The following MIPEP variants were observed in gnomAD, a reference collection of about 807,000 sequenced individuals.
The protein encoded by MIPEP is mitochondrial intermediate peptidase.
In MIPEP, 79 loss-of-function variants were observed where a neutral mutation model predicts 90.3. That is an observed-to-expected ratio of 0.87 (90% CI 0.73 to 1.05). The LOEUF (loss-of-function observed/expected upper bound fraction) is 1.05. Among genes scored for constraint, MIPEP ranks in the 50% least tolerant of loss-of-function variants. The probability of loss-of-function intolerance (pLI) is 0.00; values close to 1 mark genes in which losing one functional copy is unlikely to be tolerated. For synonymous variants in MIPEP, 334 were observed against 315.8 expected (o/e 1.06, Z -0.61); for missense variants, 940 against 905.6 (o/e 1.04, Z -0.49).
At chr13:23,883,844 C>G (rs933710066) in intron 2 of MIPEP, among the ~76,000 whole-genome samples, 2 of 152,148 alleles carry the variant, frequency 1.3e-5, no homozygotes, top group Non-Finnish European at 2.9e-5. Context: ...GTTTCCACAG[C>G]TTCCCCATCA....
chr13:23,731,880 C>T (rs1952209238), intron 18 of MIPEP, among the ~76,000 whole-genome samples: 1 of 151,244 alleles, frequency 6.6e-6, no homozygotes, highest in Non-Finnish European at 1.5e-5. Context: ...CTAATAGGCA[C>T]TGAGAAGACA....
At chr13:23,751,081 A>C (rs1377891116) in intron 18 of MIPEP, among the ~76,000 whole-genome samples, 1 of 152,140 alleles carries the variant, frequency 6.6e-6, no homozygotes, top group Non-Finnish European at 1.5e-5. Flanking sequence ...CTGGGTGCTG[A>C]TGTGCTCCGT....
intron 16 of MIPEP, among the ~76,000 whole-genome samples, chr13:23,770,177 G>A (rs1208661063): frequency 6.6e-6 from 1 of 152,152 alleles, no homozygotes. Flanking sequence ...GCAGAACCCT[G>A]GAATGGCTTC....
intron 16 of MIPEP, among the ~76,000 whole-genome samples, chr13:23,775,579 G>C (rs1045647742): frequency 3.9e-5 from 6 of 152,102 alleles, no homozygotes; most frequent in African/African-American, 1.4e-4. Context: ...AAGGCCTTTG[G>C]GGTACGTAGG....
In MIPEP at chr13:23,869,346, C is replaced by G; in HGVS notation, c.889G>C (p.Gly297Arg). The change falls in exon 7 of 19, where the codon GGG becomes CGG. Residue 297 changes from glycine to arginine, a missense_variant. Gly to Arg is a moderately radical substitution (Grantham distance 125). Coordinates refer to ENST00000382172, the MANE Select transcript of MIPEP (RefSeq NM_005932.4). ...GCCCTGTGAGAAAACGTGGAATACC[C>G]CACCAACTTTGCCAGAAGATCTCTG... The part of the protein sequence containing the change: ...SSRDLLAKLV[G>R]YSTFSHRALQ... The G allele has an allele frequency of 6.2e-7, 1 of 1,613,016 alleles. No homozygotes were observed. Among genetic ancestry groups the G allele is most frequent in the East Asian group, 2.2e-5 (1 of 44,810 alleles).
chr13:23,850,638 G>A (rs1488696861), intron 10 of MIPEP, among the ~76,000 whole-genome samples: 1 of 152,160 alleles, frequency 6.6e-6, no homozygotes, highest in African/African-American at 2.4e-5. Flanking sequence ...AAACCAGTAG[G>A]CCTGACTTCA....
chr13:23,845,662 C>A (rs1027716776), intron 10 of MIPEP, among the ~76,000 whole-genome samples: 2 of 152,096 alleles, frequency 1.3e-5, no homozygotes, highest in African/African-American at 2.4e-5. Flanking sequence ...AGTACAAGAT[C>A]TTAAGTTTTT....
chr13:23,802,249 CT>C (rs1289643473), intron 16 of MIPEP, among the ~76,000 whole-genome samples: 1 of 152,118 alleles, frequency 6.6e-6, no homozygotes, highest in Non-Finnish European at 1.5e-5. Flanking sequence ...ATATCCATGT[CT>C]TTTGTTTATT....
intron 1 of MIPEP, 93 bp downstream of exon 1, chr13:23,889,039 G>A: frequency 2.5e-6 from 3 of 1,194,670 alleles, no homozygotes; most frequent in South Asian, 4.5e-5. Flanking sequence ...CTCCTCCCAG[G>A]CCCAAACAAT....
At chr13:23,821,745 C>T (rs938471830) in intron 14 of MIPEP, among the ~76,000 whole-genome samples, 19 of 152,134 alleles carry the variant, frequency 1.2e-4, no homozygotes, top group African/African-American at 4.6e-4. Context: ...TGCAGATAAC[C>T]TAGATGCATA....
intron 10 of MIPEP, among the ~76,000 whole-genome samples, chr13:23,847,638 A>G (rs1375898948): frequency 1.3e-5 from 2 of 152,154 alleles, no homozygotes; most frequent in Non-Finnish European, 2.9e-5. Flanking sequence ...GCATCAGGAG[A>G]GAGTAGGACT....
At position 23,867,420 on chromosome 13, in the gene MIPEP, C is replaced by A. The variant is rs190218831; in HGVS notation, c.943+1872G>T. On this transcript the variant is annotated intron_variant, in intron 7 of 18. Coordinates refer to ENST00000382172, the MANE Select transcript of MIPEP (RefSeq NM_005932.4). ...GCTCACATTCCACATTCTAAGTGAGCCTTCCGACAATGCTCTCTAAAACTC... is the reference window on the plus strand; with the variant it reads ...GCTCACATTCCACATTCTAAGTGAGACTTCCGACAATGCTCTCTAAAACTC... Among the ~76,000 whole-genome samples the A allele has an allele frequency of 3.8e-3, 571 of 152,250 alleles. 6 individuals carry two copies. The highest frequency in any genetic ancestry group is 0.013 in the African/African-American group (545 of 41,538).
At chr13:23,841,294 G>C in intron 11 of MIPEP, 41 bp downstream of exon 11, 1 of 1,569,312 alleles carries the variant, frequency 6.4e-7, no homozygotes, top group Non-Finnish European at 8.6e-7. Context: ...CCAACCGAAA[G>C]GTAAATGCCT....
chr13:23,858,771 G>A, intron 10 of MIPEP, 89 bp downstream of exon 10: 1 of 1,128,764 alleles, frequency 8.9e-7, no homozygotes, highest in Middle Eastern at 1.9e-4. Flanking sequence ...GGTTTGTACT[G>A]TGGGCGACTC....
intron 14 of MIPEP, among the ~76,000 whole-genome samples, chr13:23,820,342 TA>T (rs1376459696): frequency 3.3e-5 from 5 of 152,320 alleles, no homozygotes; most frequent in South Asian, 2.1e-4. Flanking sequence ...ATTAGCATAT[TA>T]AATTATACGT....
chr13:23,735,325 G>T (rs1198134898), intron 18 of MIPEP, among the ~76,000 whole-genome samples: 3 of 151,906 alleles, frequency 2.0e-5, no homozygotes, highest in Admixed American at 1.3e-4. Context: ...CTTCCCTCTT[G>T]CTTCTTCTTG....
At chr13:23,869,968 C>T (rs1222098248) in intron 6 of MIPEP, 45 bp downstream of exon 6, 3 of 1,452,532 alleles carry the variant, frequency 2.1e-6, no homozygotes, top group South Asian at 1.5e-5. Flanking sequence ...ACAGTAGCAA[C>T]ACACAAATGG....
intron 16 of MIPEP, among the ~76,000 whole-genome samples, chr13:23,765,002 G>A (rs139514435): frequency 5.3e-5 from 8 of 152,326 alleles, no homozygotes; most frequent in Non-Finnish European, 1.0e-4. Context: ...CCACTTATAT[G>A]TGGATTTCTT....
intron 16 of MIPEP, among the ~76,000 whole-genome samples, chr13:23,767,572 C>T: frequency 6.6e-6 from 1 of 152,036 alleles, no homozygotes; most frequent in East Asian, 1.9e-4. Context: ...CTGCCTCAGC[C>T]TCCCAAGTAG....
Sources: allele counts gnomAD v4.1 joint callset (sites outside exome capture counted in the v4.1 genomes callset), GRCh38; gene constraint gnomAD v4.1.1; transcripts MANE v1.5; gene names NCBI Gene and HGNC (gene_info 2026-07-23, HGNC 2026-07-21).